The following ZCCHC17 variants were observed in gnomAD, a reference collection of about 807,000 sequenced individuals.
ZCCHC17 encodes the protein zinc finger CCHC domain-containing protein 17.
A neutral mutation model predicts 30.6 loss-of-function variants in ZCCHC17; 18 were observed. The observed-to-expected ratio is 0.59, with a 90% CI of 0.41 to 0.87. ZCCHC17 has a LOEUF of 0.87. Among genes scored for constraint, ZCCHC17 ranks in the 40% least tolerant of loss-of-function variants. The pLI is 0.00. For missense variants in ZCCHC17, 263 were observed against 284.2 expected, an observed-to-expected ratio of 0.93 and a Z score of 0.54; for synonymous variants, 88 against 92.4, an observed-to-expected ratio of 0.95 and a Z score of 0.27.
At chr1:31,334,329 CTCTCTCTCTGTGTG>C (rs1269808123) in intron 3 of ZCCHC17, among the ~76,000 whole-genome samples, 2 of 61,250 alleles carry the variant, frequency 3.3e-5, no homozygotes, top group East Asian at 8.4e-4. Flanking sequence ...CTCTCTCTCT[CTCTCTCTCTGTGTG>C]TGTGTGTGTG....
intron 3 of ZCCHC17, among the ~76,000 whole-genome samples, chr1:31,332,883 A>T (rs1638645172): frequency 6.6e-6 from 1 of 152,138 alleles, no homozygotes; most frequent in Non-Finnish European, 1.5e-5. Context: ...CAGCCTCCGA[A>T]GGTGCTGGGA....
intron 3 of ZCCHC17, among the ~76,000 whole-genome samples, chr1:31,330,211 T>C (rs1173779496): frequency 2.0e-5 from 3 of 152,182 alleles, no homozygotes. Context: ...CCTAACGCAG[T>C]TGGGGTAACG....
intron 7 of ZCCHC17, among the ~76,000 whole-genome samples, chr1:31,350,712 G>C (rs1301931439): frequency 6.6e-6 from 1 of 152,078 alleles, no homozygotes; most frequent in African/African-American, 2.4e-5. Context: ...CAATTCTCCT[G>C]CCTCAGCCTC....
intron 3 of ZCCHC17, among the ~76,000 whole-genome samples, chr1:31,324,082 A>G (rs1312028549): frequency 6.6e-6 from 1 of 152,246 alleles, no homozygotes; most frequent in Admixed American, 6.5e-5. Context: ...CAGTTGTAAA[A>G]CATCATTGAT....
chr1:31,342,229 G>C (rs1168280222), intron 5 of ZCCHC17, among the ~76,000 whole-genome samples: 1 of 152,026 alleles, frequency 6.6e-6, no homozygotes, highest in African/African-American at 2.4e-5. Context: ...ATTTTTAGTA[G>C]AGACGGGGTT....
At chr1:31,299,898 G>C (rs953815979) in intron 1 of ZCCHC17, among the ~76,000 whole-genome samples, 1 of 152,098 alleles carries the variant, frequency 6.6e-6, no homozygotes, top group Admixed American at 6.6e-5. Flanking sequence ...AAAAAGGGGA[G>C]GGCTGATAGA....
chr1:31,328,170 G>A (rs1020918268), intron 3 of ZCCHC17, among the ~76,000 whole-genome samples: 2 of 152,274 alleles, frequency 1.3e-5, no homozygotes, highest in African/African-American at 4.8e-5. Flanking sequence ...TGTTCTTACA[G>A]TATGTTGTTA....
At chr1:31,335,245 T>C (rs1424911074) in intron 3 of ZCCHC17, among the ~76,000 whole-genome samples, 3 of 152,222 alleles carry the variant, frequency 2.0e-5, no homozygotes, top group Non-Finnish European at 2.9e-5. Context: ...GCTTTGGCAA[T>C]TTTTTGTAGT....
intron 3 of ZCCHC17, among the ~76,000 whole-genome samples, chr1:31,330,004 G>A (rs1569840167): frequency 6.6e-6 from 1 of 152,200 alleles, no homozygotes; most frequent in African/African-American, 2.4e-5. Context: ...TTTCACGAAT[G>A]TGCTTATATT....
intron 3 of ZCCHC17, among the ~76,000 whole-genome samples, chr1:31,327,829 C>T (rs969395919): frequency 1.3e-5 from 2 of 151,968 alleles, no homozygotes; most frequent in African/African-American, 4.8e-5. Flanking sequence ...AAACAGGGAC[C>T]CCTAGAGGGG....
At chr1:31,351,505 C>T (rs1237957631) in intron 7 of ZCCHC17, among the ~76,000 whole-genome samples, 1 of 151,670 alleles carries the variant, frequency 6.6e-6, no homozygotes, top group African/African-American at 2.4e-5. Flanking sequence ...GTAATCCCAG[C>T]TGAGGCTGGA....
intron 2 of ZCCHC17, among the ~76,000 whole-genome samples, chr1:31,311,103 A>C (rs564392244): frequency 6.6e-6 from 1 of 152,212 alleles, no homozygotes; most frequent in Admixed American, 6.5e-5. Context: ...TTCTTTTTTA[A>C]AAATTGAGCT....
At chr1:31,363,274 C>A (rs1207888680) in intron 7 of ZCCHC17, among the ~76,000 whole-genome samples, 4 of 151,612 alleles carry the variant, frequency 2.6e-5, no homozygotes, top group Non-Finnish European at 5.9e-5. Flanking sequence ...AGCTCCGCCT[C>A]CTGGGTTCAC....
chr1:31,360,280 C>A (rs1445865264), intron 7 of ZCCHC17, among the ~76,000 whole-genome samples: 2 of 152,226 alleles, frequency 1.3e-5, no homozygotes, highest in Non-Finnish European at 2.9e-5. Flanking sequence ...AGCGATTCTC[C>A]TGCCTCAGCC....
intron 3 of ZCCHC17, among the ~76,000 whole-genome samples, chr1:31,330,466 C>T (rs1367814492): frequency 6.6e-6 from 1 of 152,120 alleles, no homozygotes; most frequent in Non-Finnish European, 1.5e-5. Flanking sequence ...GAAGAGCTCC[C>T]TTTGGTGTAG....
At chr1:31,305,993 A>G (rs1369453399) in intron 1 of ZCCHC17, among the ~76,000 whole-genome samples, 2 of 152,134 alleles carry the variant, frequency 1.3e-5, no homozygotes, top group Non-Finnish European at 2.9e-5. Context: ...TATCAATTGG[A>G]AGACGTTTCT....
chr1:31,310,319 C>T (rs886396258), intron 2 of ZCCHC17, among the ~76,000 whole-genome samples, 155 bp downstream of exon 2: 3 of 152,244 alleles, frequency 2.0e-5, no homozygotes, highest in African/African-American at 7.2e-5. Flanking sequence ...CATGTGCCTT[C>T]TCTAAGCTCC....
At chr1:31,358,872 C>A (rs1639750923) in intron 7 of ZCCHC17, among the ~76,000 whole-genome samples, 1 of 152,024 alleles carries the variant, frequency 6.6e-6, no homozygotes, top group Admixed American at 6.6e-5. Context: ...CATGAGATCA[C>A]CTGCAGAGTA....
chr1:31,331,687 C>CT (rs1234920572), intron 3 of ZCCHC17, among the ~76,000 whole-genome samples: 1 of 151,890 alleles, frequency 6.6e-6, no homozygotes, highest in Non-Finnish European at 1.5e-5. Context: ...TCTCGGGTCA[C>CT]TGCAACCTCT....
Sources: allele counts gnomAD v4.1 joint callset (sites outside exome capture counted in the v4.1 genomes callset), GRCh38; gene constraint gnomAD v4.1.1; transcripts MANE v1.5; gene names NCBI Gene and HGNC (gene_info 2026-07-23, HGNC 2026-07-21).